TYSND1: variants seen among roughly 807,000 people sequenced by gnomAD.
TYSND1 encodes peroxisomal leader peptide-processing protease.
A neutral mutation model predicts 37.2 loss-of-function variants in TYSND1; 30 were observed. That is an observed-to-expected ratio of 0.81 (90% CI 0.60 to 1.09). TYSND1 has a LOEUF of 1.09. Among genes scored for constraint, TYSND1 ranks in the 50% least tolerant of loss-of-function variants. The probability of loss-of-function intolerance (pLI) is 0.00; values close to 1 mark genes in which losing one functional copy is unlikely to be tolerated. For synonymous variants in TYSND1, 364 were observed against 383.8 expected, an observed-to-expected ratio of 0.95 and a Z score of 0.60; for missense variants, 806 against 817.4, an observed-to-expected ratio of 0.99 and a Z score of 0.17.
intron 3 of TYSND1, among the ~76,000 whole-genome samples, chr10:70,142,157 G>A (rs897935611): frequency 3.3e-5 from 5 of 152,004 alleles, no homozygotes; most frequent in African/African-American, 1.2e-4. Context: ...AAACCTGAAT[G>A]TTACCAAAAT....
chr10:70,143,506 A>G (rs2072820886), intron 2 of TYSND1, among the ~76,000 whole-genome samples: 1 of 152,238 alleles, frequency 6.6e-6, no homozygotes, highest in Non-Finnish European at 1.5e-5. Flanking sequence ...CAACATCAGT[A>G]CTTATGTGGC....
chr10:70,146,135 A>C lies in TYSND1; in HGVS notation c.452T>G (p.Phe151Cys). 1 of 1,556,598 alleles carries C rather than the reference A, an allele frequency of 6.4e-7. No homozygotes were observed. The highest frequency in any genetic ancestry group is 8.7e-7 in the Non-Finnish European group (1 of 1,152,342). The change falls in exon 1 of 4, where the codon TTC (phenylalanine) becomes TGC (cysteine). Residue 151 changes from phenylalanine (F) to cysteine (C), a missense_variant. Physicochemically the swap from Phe to Cys is radical, Grantham distance 205. Transcript: ENST00000287078. ...PAFWAHFARL[F>C]GDEAAEQWRF... Reference sequence around the variant, plus strand: ...CCACTGTTCCGCTGCCTCGTCCCCGAAGAGGCGCGCGAAGTGGGCCCAGAA... The same window carrying C: ...CCACTGTTCCGCTGCCTCGTCCCCGCAGAGGCGCGCGAAGTGGGCCCAGAA...
rs184233352 is a variant in TYSND1 at position 70,138,913 on chromosome 10, A to T, written c.*1011T>A. 4 of 152,340 alleles carry T rather than the reference A, an allele frequency of 2.6e-5. No homozygotes were observed. The highest frequency in any genetic ancestry group is 9.6e-5 in the African/African-American group (4 of 41,532). 9.4% of individuals were successfully genotyped at this position (152,340 alleles called of 1,614,324 possible). Reference sequence around the variant, plus strand: ...CAGAAGGCTGAAGCCAGCACGGGCAACAAAGCAATACCCCATTTCTACAAA... The same window carrying T: ...CAGAAGGCTGAAGCCAGCACGGGCATCAAAGCAATACCCCATTTCTACAAA... On this transcript the variant is annotated 3_prime_UTR_variant, in exon 4 of 4. Coordinates refer to ENST00000287078, the MANE Select transcript of TYSND1 (RefSeq NM_173555.4).
chr10:70,142,806 C>A lies in TYSND1; in HGVS notation c.1345G>T (p.Gly449Trp), dbSNP rs200161127. 6.2e-7 allele frequency: 1 copy of A among 1,614,070 alleles called. No homozygotes were observed. The highest frequency in any genetic ancestry group is 8.5e-7 in the Non-Finnish European group (1 of 1,180,014). ...VGFGVFGQSC[G>W]PSVTSGILSA... ...AGGATGCCTGAGGTCACCGAGGGCC[C>A]GCAAGACTGGCCAAAGACGCCAAAG... Residue 449 changes from glycine (G) to tryptophan (W), a missense_variant, in exon 3 of 4, where the codon GGG becomes TGG. Gly to Trp is a radical substitution (Grantham distance 184). Transcript: ENST00000287078.
intron 1 of TYSND1, chr10:70,144,543 A>G: frequency 4.1e-6 from 4 of 987,644 alleles, no homozygotes; most frequent in Non-Finnish European, 4.8e-6. Context: ...ATTCAGCGTC[A>G]ACTCCCGGGG....
In TYSND1 at chr10:70,139,882, C is replaced by T. The variant is rs1381822022; in HGVS notation, c.*42G>A. The T allele has an allele frequency of 6.3e-7, 1 of 1,576,264 alleles. No homozygotes were observed. The highest frequency in any genetic ancestry group is 8.7e-7 in the Non-Finnish European group (1 of 1,155,816). The stretch of plus-strand genomic sequence containing the variant: ...GTCACCTCAACATCACTTCCTACAG[C>T]AGAAAAAGGTCACTCTTCTTTCCAA... On this transcript the variant is annotated 3_prime_UTR_variant, in exon 4 of 4. Transcript: ENST00000287078.
At chr10:70,144,675 G>A in intron 1 of TYSND1, 4 of 985,932 alleles carry the variant, frequency 4.1e-6, no homozygotes, top group Non-Finnish European at 4.8e-6. Flanking sequence ...GCATGTGGGG[G>A]GAGTGGAAGG....
chr10:70,146,213 G>C lies in TYSND1; in HGVS notation c.374C>G (p.Pro125Arg), dbSNP rs1317697096. The change falls in exon 1 of 4, where the codon CCC becomes CGC. Residue 125 changes from proline to arginine, a missense_variant. This residue lies in a region of TYSND1 where 708 missense variants were observed against 705.4 expected (regional missense o/e 1.00). Transcript: ENST00000287078. ...PGPPAPSRGR[P>R]LQPRLPAELL... Reference sequence around the variant, plus strand: ...CTCAGCAGGAAGCCGGGGCTGCAGGGGACGCCCGCGGGACGGGGCAGGTGG... The same window carrying C: ...CTCAGCAGGAAGCCGGGGCTGCAGGCGACGCCCGCGGGACGGGGCAGGTGG... 1 of 1,515,640 alleles carries C rather than the reference G, an allele frequency of 6.6e-7. No homozygotes were observed. The highest frequency in any genetic ancestry group is 1.4e-5 in the African/African-American group (1 of 71,894). The allele number at this position is 1,515,640 out of a possible 1,614,324, so 93.9% of individuals were successfully genotyped here. A position where few individuals can be genotyped will look rare whatever the true frequency, so the allele number is the denominator to read the frequency against.
intron 3 of TYSND1, among the ~76,000 whole-genome samples, chr10:70,140,747 G>A (rs1050944217): frequency 6.6e-6 from 1 of 152,078 alleles, no homozygotes; most frequent in East Asian, 1.9e-4. Context: ...ATATACCTTG[G>A]TAGAATACTG....
rs1839245555 is a variant in TYSND1 at position 70,146,648 on chromosome 10, C to G, written c.-62G>C. 7.1e-7 allele frequency: 1 copy of G among 1,408,264 alleles called. No individual in the cohort carries two copies. Among genetic ancestry groups the G allele is most frequent in the Non-Finnish European group, 9.2e-7 (1 of 1,081,392 alleles). 87.2% of individuals were successfully genotyped at this position (1,408,264 alleles called of 1,614,324 possible). The stretch of plus-strand genomic sequence containing the variant: ...AACAGCAAGCTAGCGAGCGAGGACC[C>G]CTACCCGGTCCGGCTGAAGCTGCCT... On this transcript the variant is annotated 5_prime_UTR_variant, in exon 1 of 4. Transcript: ENST00000287078.
In TYSND1 at chr10:70,139,938, G is replaced by A. The variant is rs377549834; in HGVS notation, c.1687C>T (p.Arg563Trp). The A allele has an allele frequency of 8.1e-6, 13 of 1,612,896 alleles. No individual in the cohort carries two copies. Among genetic ancestry groups the A allele is most frequent in the Middle Eastern group, 3.6e-4 (2 of 5,570 alleles). Residue 563 changes from arginine (R) to tryptophan (W), a missense_variant, in exon 4 of 4, where the codon CGG becomes TGG. By Grantham distance (101) the Arg-to-Trp change is moderately radical. Coordinates refer to ENST00000287078, the MANE Select transcript of TYSND1 (RefSeq NM_173555.4). ...GTAACACAGCCTCAGAGCTTGCTCC[G>A]CGGGGCCTCTGCCAGGGGCCGCTGC... ...RLQRPLAEAP[R>W]SKL
At chr10:70,140,193 C>G in intron 3 of TYSND1, 52 bp from the exon 4 acceptor site, 1 of 1,490,566 alleles carries the variant, frequency 6.7e-7, no homozygotes, top group Non-Finnish European at 9.2e-7. Context: ...GGCAGAAAGG[C>G]TGGAGAAGGG....
Position 70,146,278 on chromosome 10 carries a change from T to C in TYSND1, c.309A>G (p.Pro103=), listed in dbSNP as rs1285976804. The C allele has an allele frequency of 8.6e-5, 126 of 1,469,762 alleles. No individual in the cohort carries two copies. The highest frequency in any genetic ancestry group is 1.1e-4 in the Non-Finnish European group (123 of 1,120,870). 91.0% of individuals were successfully genotyped at this position (1,469,762 alleles called of 1,614,324 possible). ...TCGCGCACTGGGGCGTGCACAGCCC[T>C]GGGCGGCCCCGCTCCGCGCCGCCCC... The part of the protein sequence containing the change: ...GPGGGAERGR[P]GLCTPQCASL... The change falls in exon 1 of 4, where the codon CCA becomes CCG. Residue 103 remains proline (P), a synonymous_variant. Coordinates refer to ENST00000287078, the MANE Select transcript of TYSND1 (RefSeq NM_173555.4).
At chr10:70,143,690 G>A in intron 2 of TYSND1, 152 bp downstream of exon 2, 1 of 904,424 alleles carries the variant, frequency 1.1e-6, no homozygotes, top group Admixed American at 2.7e-5. Context: ...GGCACTCCAT[G>A]TGCCCCACCA....
chr10:70,142,803 G>A lies in TYSND1; in HGVS notation c.1348C>T (p.Pro450Ser), dbSNP rs2072804414. 1 of 1,614,078 alleles carries A rather than the reference G, an allele frequency of 6.2e-7. No homozygotes were observed. Among genetic ancestry groups the A allele is most frequent in the East Asian group, 2.2e-5 (1 of 44,888 alleles). Reference protein sequence around the residue: ...GFGVFGQSCGPSVTSGILSAV... With the variant: ...GFGVFGQSCGSSVTSGILSAV... ...GAAAGGATGCCTGAGGTCACCGAGG[G>A]CCCGCAAGACTGGCCAAAGACGCCA... The change falls in exon 3 of 4, where the codon CCC becomes TCC. Residue 450 changes from proline to serine, a missense_variant. This residue lies in a region of TYSND1 where 708 missense variants were observed against 705.4 expected (regional missense o/e 1.00). Transcript: ENST00000287078.
At chr10:70,143,058 T>C (rs1334905308) in intron 2 of TYSND1, among the ~76,000 whole-genome samples, 1 of 152,222 alleles carries the variant, frequency 6.6e-6, no homozygotes. Flanking sequence ...CCTAGCACTG[T>C]ATCTGCATGA....
chr10:70,144,458 C>T (rs2072843609), intron 1 of TYSND1: 1 of 996,296 alleles, frequency 1.0e-6, no homozygotes, highest in African/African-American at 1.7e-5. Flanking sequence ...GACATGGTTT[C>T]ACTCCTCTGG....
chr10:70,143,997 A>G (rs2072832847), intron 1 of TYSND1, 25 bp from the exon 2 acceptor site: 2 of 1,613,638 alleles, frequency 1.2e-6, no homozygotes, highest in Non-Finnish European at 1.7e-6. Flanking sequence ...AACAAATGAC[A>G]GGCTAGCTTT....
Position 70,146,356 on chromosome 10 carries a change from G to A in TYSND1, c.231C>T (p.Cys77=), listed in dbSNP as rs371918744. The change falls in exon 1 of 4, where the codon TGC becomes TGT. Residue 77 remains cysteine, a synonymous_variant. Transcript: ENST00000287078. ...GCACGTGCAGGCGCAGGTCGTCCCT[G>A]CAACTGTCGCCAGGCAGGAAGACGG... ...AGAVFLPGDS[C]RDDLRLHVQW... 2 of 1,550,268 alleles carry A rather than the reference G, an allele frequency of 1.3e-6. No individual in the cohort carries two copies. The highest frequency in any genetic ancestry group is 1.7e-6 in the Non-Finnish European group (2 of 1,154,464).
Sources: gnomAD v4.1 joint callset for allele counts (sites outside exome capture counted in the v4.1 genomes callset) on GRCh38, gnomAD v4.1.1 for gene constraint, gnomAD v4.1.1 regional missense constraint, MANE v1.5 for transcripts, NCBI Gene and HGNC (gene_info 2026-07-23, HGNC 2026-07-21) for gene names.